ZMIZ1: variants seen among roughly 807,000 people sequenced by gnomAD.
ZMIZ1 encodes zinc finger MIZ-type containing 1.
A neutral mutation model predicts 113.9 loss-of-function variants in ZMIZ1; 17 were observed. The ratio of observed to expected loss-of-function variants is 0.15; its 90% CI spans 0.10 to 0.22. The LOEUF (loss-of-function observed/expected upper bound fraction) is 0.22, where lower values mean the gene tolerates loss of function less well. Among genes scored for constraint, ZMIZ1 ranks in the 10% least tolerant of loss-of-function variants. The pLI is 1.00. For synonymous variants in ZMIZ1, 607 were observed against 603.1 expected (o/e 1.01, Z -0.09); for missense variants, 1,059 against 1,477.8 (o/e 0.72, Z 4.65).
chr10:79,074,651 G>A (rs368938517), intron 1 of ZMIZ1, among the ~76,000 whole-genome samples: 4 of 152,202 alleles, frequency 2.6e-5, no homozygotes, highest in East Asian at 1.9e-4. Flanking sequence ...GTCCCTCTTC[G>A]GGCTGAGTCA....
intron 1 of ZMIZ1, among the ~76,000 whole-genome samples, chr10:79,100,227 G>A (rs1297305816): frequency 1.3e-5 from 2 of 152,006 alleles, no homozygotes; most frequent in African/African-American, 4.8e-5. Context: ...CAGCCTACTA[G>A]GGGAGGGCAT....
chr10:79,113,106 G>A (rs1344533449), intron 1 of ZMIZ1, among the ~76,000 whole-genome samples: 2 of 152,212 alleles, frequency 1.3e-5, no homozygotes, highest in South Asian at 2.1e-4. Flanking sequence ...TTTGTTCCCC[G>A]CAGCAGCCTG....
intron 4 of ZMIZ1, among the ~76,000 whole-genome samples, chr10:79,185,898 C>T (rs529967497): frequency 5.2e-4 from 79 of 152,196 alleles, no homozygotes; most frequent in African/African-American, 1.7e-3. Flanking sequence ...GCTCCCTGTA[C>T]AGGGAGGCTG....
At chr10:79,215,025 C>G (rs11002873) in intron 6 of ZMIZ1, among the ~76,000 whole-genome samples, 1 of 149,404 alleles carries the variant, frequency 6.7e-6, no homozygotes. Flanking sequence ...TCTCACCCTG[C>G]CAGTCCCTAC....
At position 79,143,315 on chromosome 10, in the gene ZMIZ1, C is replaced by T. The variant is rs574083592; in HGVS notation, c.-131+3538C>T. ...TGCAGCTGCCCTGTACTGCAGTTCA[C>T]AGGAGAGGGCTCCCCGAGACTCTGG... On this transcript the variant is annotated intron_variant, in intron 3 of 24. Transcript: ENST00000334512. Among the ~76,000 whole-genome samples the T allele has an allele frequency of 1.2e-3, 176 of 152,124 alleles. 1 individual carries two copies. The highest frequency in any genetic ancestry group is 1.7e-3 in the Non-Finnish European group (116 of 68,018).
At chr10:79,254,776 G>C (rs975593780) in intron 7 of ZMIZ1, among the ~76,000 whole-genome samples, 2 of 152,190 alleles carry the variant, frequency 1.3e-5, no homozygotes, top group African/African-American at 4.8e-5. Context: ...AGGGTGCCAG[G>C]CAATGCAGGG....
rs377275916 is a variant in ZMIZ1 at position 79,285,559 on chromosome 10, G to C, written c.426-4216G>C. ...GTGGCCATGTGGCCACAGACACACTGTGTAGGTGGTCGGTCATCAGGCTTA... is the reference window on the plus strand; with the variant it reads ...GTGGCCATGTGGCCACAGACACACTCTGTAGGTGGTCGGTCATCAGGCTTA... On this transcript the variant is annotated intron_variant, in intron 8 of 24. Transcript: ENST00000334512. 1,318 of 456,138 alleles carry C rather than the reference G, an allele frequency of 2.9e-3. 10 individuals are homozygous for C. Among genetic ancestry groups the C allele is most frequent in the African/African-American group, 0.016 (795 of 50,200 alleles). 28.3% of individuals were successfully genotyped at this position (456,138 alleles called of 1,614,324 possible).
chr10:79,138,669 G>T (rs928429869), intron 2 of ZMIZ1, among the ~76,000 whole-genome samples: 2 of 152,114 alleles, frequency 1.3e-5, no homozygotes, highest in African/African-American at 2.4e-5. Context: ...CCTCCTCCAT[G>T]CCTCTCCCTC....
chr10:79,223,378 G>A (rs1024899932), intron 7 of ZMIZ1, among the ~76,000 whole-genome samples: 2 of 152,176 alleles, frequency 1.3e-5, no homozygotes, highest in African/African-American at 4.8e-5. Flanking sequence ...TTCAAGGTCG[G>A]GACAGACTTC....
At chr10:79,104,617 A>G (rs1218171646) in intron 1 of ZMIZ1, among the ~76,000 whole-genome samples, 2 of 152,106 alleles carry the variant, frequency 1.3e-5, no homozygotes, top group African/African-American at 4.8e-5. Context: ...GTCTTTCTCC[A>G]GTTTGTAGCC....
Position 79,313,120 on chromosome 10 carries a change from G to T in ZMIZ1, c.*371G>T, listed in dbSNP as rs1233665164. On this transcript the variant is annotated 3_prime_UTR_variant, in exon 25 of 25. Coordinates refer to ENST00000334512, the MANE Select transcript of ZMIZ1 (RefSeq NM_020338.4). The stretch of plus-strand genomic sequence containing the variant: ...CAGATGACCTTCCAGTGTCCCCAAG[G>T]TTCTTCCATCTTCTAGACTGTAACC... 2.2e-5 allele frequency: 5 copies of T among 228,774 alleles called. No individual in the cohort carries two copies. Among genetic ancestry groups the T allele is most frequent in the African/African-American group, 6.8e-5 (3 of 44,210 alleles). 14.2% of individuals were successfully genotyped at this position (228,774 alleles called of 1,614,324 possible).
chr10:79,272,604 C>T (rs1852016921), intron 7 of ZMIZ1, among the ~76,000 whole-genome samples: 1 of 152,228 alleles, frequency 6.6e-6, no homozygotes, highest in African/African-American at 2.4e-5. Flanking sequence ...CCTGCTTCAC[C>T]GCAGTACCTC....
chr10:79,302,320 G>A, intron 18 of ZMIZ1, 108 bp downstream of exon 18: 1 of 1,117,592 alleles, frequency 8.9e-7, no homozygotes, highest in Non-Finnish European at 1.3e-6. Flanking sequence ...CTCCGTGCAT[G>A]TCACCACCGG....
At chr10:79,237,557 C>A (rs1433404234) in intron 7 of ZMIZ1, among the ~76,000 whole-genome samples, 1 of 152,174 alleles carries the variant, frequency 6.6e-6, no homozygotes, top group Non-Finnish European at 1.5e-5. Flanking sequence ...CTGGTAGTTT[C>A]TTGGCTTGTG....
chr10:79,146,461 A>C (rs1444812705), intron 3 of ZMIZ1, among the ~76,000 whole-genome samples: 1 of 152,150 alleles, frequency 6.6e-6, no homozygotes, highest in Non-Finnish European at 1.5e-5. Context: ...CAAAGGCTAT[A>C]ATATACCATG....
chr10:79,311,300 GT>G, intron 24 of ZMIZ1, 116 bp downstream of exon 24: 6 of 1,124,142 alleles, frequency 5.3e-6, no homozygotes, highest in East Asian at 3.1e-5. Context: ...TGGGTGGGCG[GT>G]GGGAGGGCTT....
Position 79,296,570 on chromosome 10 carries a change from A to G in ZMIZ1, c.1330A>G (p.Asn444Asp). Residue 444 changes from asparagine (N) to aspartate (D), a missense_variant, in exon 13 of 25, where the codon AAC becomes GAC. By Grantham distance (23) the Asn-to-Asp change is conservative. Around this residue, in one of 6 missense-constraint regions of ZMIZ1, gnomAD observed 239 missense variants for 247.5 expected, o/e 0.97. Transcript: ENST00000334512. The surrounding 1 kb of genome is among the most constrained non-coding windows in gnomAD (Gnocchi z 4.1). Reference protein sequence around the residue: ...PNPPRPLTSPNYPGQRMPSQP... With the variant: ...PNPPRPLTSPDYPGQRMPSQP... The stretch of plus-strand genomic sequence containing the variant: ...CCCCCCGAGGCCACTCACCTCCCCC[A>G]ACTACCCAGGACAGAGGATGCCCAG... The G allele has an allele frequency of 6.6e-7, 1 of 1,513,320 alleles. No homozygotes were observed. The highest frequency in any genetic ancestry group is 1.7e-5 in the African/African-American group (1 of 59,320). The allele number at this position is 1,513,320 out of a possible 1,614,324, so 93.7% of individuals were successfully genotyped here.
intron 2 of ZMIZ1, among the ~76,000 whole-genome samples, chr10:79,119,397 T>A (rs1844189193): frequency 6.6e-6 from 1 of 152,234 alleles, no homozygotes. Flanking sequence ...CTGTGCAAAG[T>A]ACTATAGAGT....
intron 1 of ZMIZ1, among the ~76,000 whole-genome samples, chr10:79,100,477 G>T (rs1843325308): frequency 6.6e-6 from 1 of 151,800 alleles, no homozygotes; most frequent in Admixed American, 6.6e-5. Flanking sequence ...AGGTTATCAG[G>T]CCTGGGTGGG....
Sources: allele counts gnomAD v4.1 joint callset (sites outside exome capture counted in the v4.1 genomes callset), GRCh38; gene constraint gnomAD v4.1.1; regional missense constraint gnomAD v4.1.1; non-coding constraint Gnocchi (gnomAD v3.1); transcripts MANE v1.5; gene names NCBI Gene and HGNC (gene_info 2026-07-23, HGNC 2026-07-21).